The following CFAP95 variants were observed in gnomAD, a reference collection of about 807,000 sequenced individuals.
The protein encoded by CFAP95 is cilia- and flagella-associated protein 95.
the CFAP95 span, among the ~76,000 whole-genome samples, chr9:69,884,101 T>C: frequency 1.3e-5 from 2 of 152,302 alleles, no homozygotes; most frequent in East Asian, 3.9e-4. Context: ...TTCATTGTCA[T>C]TTGTTTTAAG....
the CFAP95 span, among the ~76,000 whole-genome samples, chr9:69,851,617 T>C: frequency 1.3e-5 from 2 of 152,160 alleles, no homozygotes; most frequent in African/African-American, 2.4e-5. Context: ...TAATTGAGAC[T>C]ATTTTGTGAC....
chr9:69,886,893 C>T, the CFAP95 span: 3 of 1,610,834 alleles, frequency 1.9e-6, no homozygotes, highest in Non-Finnish European at 2.5e-6. Context: ...TTATCAGCCA[C>T]ATGTGAGTAC....
the CFAP95 span, among the ~76,000 whole-genome samples, chr9:69,874,258 A>G: frequency 8.8e-3 from 1,336 of 152,320 alleles, 16 homozygotes; most frequent in Non-Finnish European, 0.011. Context: ...ATTTATAATG[A>G]GAAATAAAAA....
the CFAP95 span, among the ~76,000 whole-genome samples, chr9:69,865,536 T>G: frequency 6.6e-6 from 1 of 152,176 alleles, no homozygotes; most frequent in East Asian, 1.9e-4. Flanking sequence ...TGGCTGACTC[T>G]GTTCCCCATT....
At chr9:69,886,844 A>T in the CFAP95 span, 1 of 1,612,864 alleles carries the variant, frequency 6.2e-7, no homozygotes, top group Non-Finnish European at 8.5e-7. Context: ...TTAGGTGTGC[A>T]TTGACAACGT....
At chr9:69,891,047 C>T in the CFAP95 span, among the ~76,000 whole-genome samples, 3 of 152,122 alleles carry the variant, frequency 2.0e-5, 1 homozygote, top group Non-Finnish European at 2.9e-5. Flanking sequence ...CATCATTTCC[C>T]AAAGAACCAG....
At chr9:69,889,823 C>T in the CFAP95 span, among the ~76,000 whole-genome samples, 3 of 152,058 alleles carry the variant, frequency 2.0e-5, no homozygotes, top group East Asian at 1.9e-4. Flanking sequence ...CCTTTATAAT[C>T]TCCATAGATA....
the CFAP95 span, among the ~76,000 whole-genome samples, chr9:69,857,058 C>G: frequency 6.6e-6 from 1 of 151,820 alleles, no homozygotes; most frequent in Admixed American, 6.6e-5. Flanking sequence ...AAAGCATCTA[C>G]TTCGTAGGGT....
At chr9:69,832,604 G>T in the CFAP95 span, among the ~76,000 whole-genome samples, 1 of 47,574 alleles carries the variant, frequency 2.1e-5, no homozygotes. Context: ...TTCTTCTATA[G>T]AAATAGTCTA....
the CFAP95 span, among the ~76,000 whole-genome samples, chr9:69,881,712 T>C: frequency 6.6e-6 from 1 of 152,180 alleles, no homozygotes; most frequent in Admixed American, 6.6e-5. Context: ...ATGTCATTGG[T>C]ATTTTGATAG....
the CFAP95 span, among the ~76,000 whole-genome samples, chr9:69,874,360 T>C: frequency 6.6e-6 from 1 of 152,174 alleles, no homozygotes; most frequent in Non-Finnish European, 1.5e-5. Context: ...CATCAGAATG[T>C]TGTTCACTCT....
the CFAP95 span, among the ~76,000 whole-genome samples, chr9:69,847,118 A>G: frequency 6.6e-6 from 1 of 152,208 alleles, no homozygotes; most frequent in Non-Finnish European, 1.5e-5. Context: ...GGGCAGGGAC[A>G]GTAGTGGTCA....
chr9:69,872,548 G>A, the CFAP95 span, among the ~76,000 whole-genome samples: 2 of 152,312 alleles, frequency 1.3e-5, no homozygotes, highest in African/African-American at 2.4e-5. Context: ...TCTTGTGGGA[G>A]GGGAGAACAT....
chr9:69,856,920 G>GTTTTT, the CFAP95 span, among the ~76,000 whole-genome samples: 30 of 125,914 alleles, frequency 2.4e-4, no homozygotes, highest in African/African-American at 5.3e-4. Context: ...CTTTATATGT[G>GTTTTT]TTTTTTTTTT....
At chr9:69,838,381 A>G in the CFAP95 span, among the ~76,000 whole-genome samples, 1 of 151,050 alleles carries the variant, frequency 6.6e-6, no homozygotes, top group Non-Finnish European at 1.5e-5. Context: ...ATGTTCTTCC[A>G]TTTGTTTGTA....
At chr9:69,846,252 G>A in the CFAP95 span, among the ~76,000 whole-genome samples, 1 of 152,084 alleles carries the variant, frequency 6.6e-6, no homozygotes, top group African/African-American at 2.4e-5. Flanking sequence ...AGCGGGATAT[G>A]AGGTATAGGA....
the CFAP95 span, among the ~76,000 whole-genome samples, chr9:69,871,985 T>G: frequency 6.6e-6 from 1 of 152,196 alleles, no homozygotes; most frequent in Admixed American, 6.5e-5. Context: ...GATAAGGGCT[T>G]TACATGCCAT....
At chr9:69,882,549 T>G in the CFAP95 span, among the ~76,000 whole-genome samples, 1 of 152,146 alleles carries the variant, frequency 6.6e-6, no homozygotes, top group Non-Finnish European at 1.5e-5. Flanking sequence ...AGGCTTTCAG[T>G]TTTTCTGCAT....
the CFAP95 span, chr9:69,856,723 G>A: frequency 7.5e-7 from 1 of 1,342,258 alleles, no homozygotes; most frequent in South Asian, 1.3e-5. Context: ...ATGCAGAAAG[G>A]ACTTGTATAA....
Sources: allele counts gnomAD v4.1 joint callset (sites outside exome capture counted in the v4.1 genomes callset), GRCh38; gene constraint gnomAD v4.1.1; transcripts MANE v1.5; gene names NCBI Gene and HGNC (gene_info 2026-07-23, HGNC 2026-07-21).